Variants in DIPK1B observed in about 807,000 individuals in gnomAD.
DIPK1B encodes divergent protein kinase domain 1B.
A neutral mutation model predicts 20.7 loss-of-function variants in DIPK1B; 17 were observed. That is an observed-to-expected ratio of 0.82 (90% confidence interval 0.56 to 1.23). DIPK1B has a LOEUF of 1.23. DIPK1B is among the 50% of genes most tolerant of loss of function. The pLI is 0.00. For missense variants in DIPK1B, 648 were observed against 601.8 expected, an observed-to-expected ratio of 1.08 and a Z score of -0.80; for synonymous variants, 343 against 276.5, an observed-to-expected ratio of 1.24 and a Z score of -2.39.
At chr9:136,721,801 G>A (rs922907095) in intron 2 of DIPK1B, 120 bp from the exon 3 acceptor site, 9 of 831,926 alleles carry the variant, frequency 1.1e-5, no homozygotes, top group African/African-American at 5.1e-5. Context: ...TGTGTGAGGG[G>A]CTGGCAGCTT....
Position 136,722,086 on chromosome 9 carries a change from G to C in DIPK1B, c.307-39G>C, listed in dbSNP as rs553349754. ...GCTGATACTGCCCGTGCAGTGGGAG[G>C]GGGATGTCTGCACGGAGGACCTCTG... On this transcript the variant is annotated intron_variant, in intron 3 of 4. Coordinates refer to ENST00000371692, the MANE Select transcript of DIPK1B (RefSeq NM_152421.4). 203 of 1,613,554 alleles carry C rather than the reference G, an allele frequency of 1.3e-4. 1 individual carries two copies. The South Asian group carries it at 2.1e-3, about 17-fold the overall frequency.
chr9:136,722,873 A>C (rs938742742), intron 4 of DIPK1B, 89 bp from the exon 5 acceptor site: 1 of 1,368,376 alleles, frequency 7.3e-7, no homozygotes, highest in Non-Finnish European at 9.8e-7. Context: ...CCGGCAGACC[A>C]CCCCGCCAGG....
At chr9:136,722,350 TATGCCCAGCAGGCGGCCCTGGCACCAAC>T (rs748005888) in intron 4 of DIPK1B, 49 bp downstream of exon 4, 7 of 1,573,794 alleles carry the variant, frequency 4.4e-6, no homozygotes, top group Middle Eastern at 1.7e-4. Flanking sequence ...ACCACGGTCA[TATGCCCAGCAGGCGGCCCTGGCACCAAC>T]ATGCCCAGCG....
Position 136,722,996 on chromosome 9 carries a change from T to C in DIPK1B, c.518T>C (p.Leu173Pro), listed in dbSNP as rs1471524326. The C allele has an allele frequency of 6.2e-7, 1 of 1,609,306 alleles. No individual in the cohort carries two copies. The change falls in exon 5 of 5, where the codon CTG becomes CCG. Residue 173 changes from leucine (L) to proline (P), a missense_variant. By Grantham distance (98) the Leu-to-Pro change is moderately conservative. Coordinates refer to ENST00000371692, the MANE Select transcript of DIPK1B (RefSeq NM_152421.4). ...NLGDLPSLPA[L>P]VGQVLLMADF... ...GGAGACCTGCCTTCCCTGCCGGCGCTGGTTGGCCAGGTCCTGCTCATGGCT... is the reference window on the plus strand; with the variant it reads ...GGAGACCTGCCTTCCCTGCCGGCGCCGGTTGGCCAGGTCCTGCTCATGGCT...
chr9:136,715,665 C>T (rs1846486596), intron 1 of DIPK1B, among the ~76,000 whole-genome samples: 2 of 151,976 alleles, frequency 1.3e-5, no homozygotes, highest in Non-Finnish European at 2.9e-5. Context: ...CAGGCATGCG[C>T]CACCATGCCT....
chr9:136,714,856 C>T (rs377117637), intron 1 of DIPK1B, among the ~76,000 whole-genome samples: 133 of 152,318 alleles, frequency 8.7e-4, no homozygotes, highest in African/African-American at 3.0e-3. Context: ...GGCGGCCATC[C>T]GTGAGTGGAT....
intron 1 of DIPK1B, 121 bp from the exon 2 acceptor site, chr9:136,717,456 A>G (rs1846514633): frequency 8.4e-7 from 1 of 1,184,844 alleles, no homozygotes; most frequent in African/African-American, 1.5e-5. Context: ...CAGGGGGCCA[A>G]GGGGATGGCA....
chr9:136,714,227 C>T (rs955303611), intron 1 of DIPK1B, among the ~76,000 whole-genome samples: 15 of 152,164 alleles, frequency 9.9e-5, no homozygotes, highest in African/African-American at 3.6e-4. Flanking sequence ...AATGCCAGGC[C>T]TTAATGGGAG....
chr9:136,723,964 A>C lies in DIPK1B; in HGVS notation c.*190A>C. On this transcript the variant is annotated 3_prime_UTR_variant, in exon 5 of 5. Coordinates refer to ENST00000371692, the MANE Select transcript of DIPK1B (RefSeq NM_152421.4). ...GCTCGGAGCAAAGGCGGACATGGAC[A>C]TCCCGGCAGGAGAGTCCTCCAAGGG... The C allele has an allele frequency of 1.6e-6, 1 of 629,090 alleles. No homozygotes were observed. Among genetic ancestry groups the C allele is most frequent in the Non-Finnish European group, 2.7e-6 (1 of 364,300 alleles). The allele number at this position is 629,090 out of a possible 1,614,324, so 39.0% of individuals were successfully genotyped here.
chr9:136,718,347 G>A (rs1846535273), intron 2 of DIPK1B, among the ~76,000 whole-genome samples: 1 of 152,152 alleles, frequency 6.6e-6, no homozygotes, highest in African/African-American at 2.4e-5. Context: ...GTCCCCTGAG[G>A]CAGGTGGCAG....
At chr9:136,717,228 C>CAAAA (rs869218686) in intron 1 of DIPK1B, among the ~76,000 whole-genome samples, 1 of 133,416 alleles carries the variant, frequency 7.5e-6, no homozygotes. Flanking sequence ...GACTCCCTCT[C>CAAAA]AAAAAAAAAA....
chr9:136,718,699 A>G (rs1261367816), intron 2 of DIPK1B, among the ~76,000 whole-genome samples: 1 of 152,168 alleles, frequency 6.6e-6, no homozygotes, highest in Non-Finnish European at 1.5e-5. Context: ...TCATAGGGTG[A>G]TTGGGTGCAG....
At position 136,723,678 on chromosome 9, in the gene DIPK1B, C is replaced by T. The variant is rs373553766; in HGVS notation, c.1200C>T (p.Ser400=). ...AGCTGCGCACCTGTACCACGCTGAG[C>T]GGGCTGGCCAGCCAGGTGGAGGCCC... ...GTQLRTCTTL[S]GLASQVEAHH... The change falls in exon 5 of 5, where the codon AGC becomes AGT. Residue 400 remains serine, a synonymous_variant. Transcript: ENST00000371692. 9.3e-4 allele frequency: 1,442 copies of T among 1,545,142 alleles called. 23 individuals carry two copies. In the South Asian group the frequency reaches 0.014, roughly 15 times the overall value.
At position 136,722,394 on chromosome 9, in the gene DIPK1B, G is replaced by A; in HGVS notation, c.483+93G>A. The A allele has an allele frequency of 2.9e-6, 4 of 1,363,050 alleles. No individual in the cohort carries two copies. In the South Asian group the frequency reaches 5.5e-5, roughly 19 times the overall value. The allele number at this position is 1,363,050 out of a possible 1,614,324, so 84.4% of individuals were successfully genotyped here. ...TGGCACCAACATGCCCAGCGCAAAGGCACAGATGGGCCCAAGTGGACCCTG... is the reference window on the plus strand; with the variant it reads ...TGGCACCAACATGCCCAGCGCAAAGACACAGATGGGCCCAAGTGGACCCTG... On this transcript the variant is annotated intron_variant, in intron 4 of 4. Transcript: ENST00000371692.
intron 2 of DIPK1B, among the ~76,000 whole-genome samples, chr9:136,719,693 T>A (rs116450125): frequency 1.5e-3 from 229 of 152,292 alleles, no homozygotes; most frequent in African/African-American, 5.2e-3. Context: ...TGCTGGTAGG[T>A]GCCCAGGACC....
At position 136,719,447 on chromosome 9, in the gene DIPK1B, G is replaced by A. The variant is rs748535873; in HGVS notation, c.198+1736G>A. Reference sequence around the variant, plus strand: ...CCTCGTGGGGGCATTGGACGCCTCAGAGAGGCGCAGAGGCTGGCCCAGCGC... The same window carrying A: ...CCTCGTGGGGGCATTGGACGCCTCAAAGAGGCGCAGAGGCTGGCCCAGCGC... On this transcript the variant is annotated intron_variant, in intron 2 of 4. Coordinates refer to ENST00000371692, the MANE Select transcript of DIPK1B (RefSeq NM_152421.4). 2.5e-4 allele frequency among the ~76,000 whole-genome samples: 38 copies of A among 152,324 alleles called. No homozygotes were observed. In the South Asian group the frequency reaches 3.1e-3, roughly 12 times the overall value.
intron 1 of DIPK1B, among the ~76,000 whole-genome samples, chr9:136,716,920 G>T (rs1362632685): frequency 6.6e-6 from 1 of 152,132 alleles, no homozygotes; most frequent in Non-Finnish European, 1.5e-5. Flanking sequence ...ATCAGGATAG[G>T]AAGGGTTTGT....
At position 136,712,834 on chromosome 9, in the gene DIPK1B, G is replaced by A; in HGVS notation, c.63+106G>A. On this transcript the variant is annotated intron_variant, in intron 1 of 4. Transcript: ENST00000371692. The surrounding 1 kb of genome is among the most constrained non-coding windows in gnomAD (Gnocchi z 5.6). ...GGAGCGGGGCCCCGGGTTCGGACAC[G>A]AAGGGTTCATGAGCCCGGGGTGGGC... is the stretch of plus-strand genomic sequence containing the variant. 2 of 742,848 alleles carry A rather than the reference G, an allele frequency of 2.7e-6. No individual in the cohort carries two copies. The highest frequency in any genetic ancestry group is 3.6e-6 in the Non-Finnish European group (2 of 554,082). The allele number at this position is 742,848 out of a possible 1,614,324, so 46.0% of individuals were successfully genotyped here. A position where few individuals can be genotyped will look rare whatever the true frequency, so the allele number is the denominator to read the frequency against.
chr9:136,718,650 T>C (rs766490539), intron 2 of DIPK1B, among the ~76,000 whole-genome samples: 1 of 152,278 alleles, frequency 6.6e-6, no homozygotes, highest in Admixed American at 6.5e-5. Context: ...GGCCTGGGCA[T>C]AGAAGGATCT....
Sources: gnomAD v4.1 joint callset for allele counts (sites outside exome capture counted in the v4.1 genomes callset) on GRCh38, gnomAD v4.1.1 for gene constraint, Gnocchi (gnomAD v3.1) non-coding constraint, MANE v1.5 for transcripts, NCBI Gene and HGNC (gene_info 2026-07-23, HGNC 2026-07-21) for gene names.